The following ADSS2 variants were observed in gnomAD, a reference collection of about 807,000 sequenced individuals.
ADSS2 encodes the protein adenylosuccinate synthase 2, also known as adenylosuccinate synthetase isozyme 2.
In ADSS2, 30 loss-of-function variants were observed where a neutral mutation model predicts 60.0. The ratio of observed to expected loss-of-function variants is 0.50; its 90% CI spans 0.37 to 0.68. The LOEUF is 0.68. Ranked by LOEUF, ADSS2 falls within the 30% of genes least tolerant of loss-of-function variation. The pLI, the probability that ADSS2 is intolerant of heterozygous loss-of-function variation, is 0.00. For missense variants in ADSS2, 373 were observed against 554.8 expected (o/e 0.67, Z 3.29); for synonymous variants, 187 against 193.1 (o/e 0.97, Z 0.26).
At chr1:244,421,009 C>T (rs1664663065) in intron 7 of ADSS2, among the ~76,000 whole-genome samples, 1 of 152,152 alleles carries the variant, frequency 6.6e-6, no homozygotes, top group African/African-American at 2.4e-5. Flanking sequence ...AAACTTGCAT[C>T]AGTGATTCTC....
At chr1:244,433,176 CAGTA>C (rs1558276077) in intron 3 of ADSS2, among the ~76,000 whole-genome samples, 1 of 152,034 alleles carries the variant, frequency 6.6e-6, no homozygotes, top group Non-Finnish European at 1.5e-5. Flanking sequence ...GCAGAGGTTG[CAGTA>C]AGCCAAGATT....
At chr1:244,420,554 T>C (rs1664650873) in intron 7 of ADSS2, among the ~76,000 whole-genome samples, 1 of 152,128 alleles carries the variant, frequency 6.6e-6, no homozygotes, top group South Asian at 2.1e-4. Flanking sequence ...TTAACCTCAC[T>C]GCAAATAAAA....
intron 1 of ADSS2, among the ~76,000 whole-genome samples, chr1:244,446,205 C>T (rs1404479610): frequency 1.3e-5 from 2 of 152,174 alleles, no homozygotes; most frequent in Non-Finnish European, 2.9e-5. Flanking sequence ...ATCTGTGTCT[C>T]CTCCTTTCCA....
chr1:244,412,853 C>G (rs1664445307), intron 11 of ADSS2, among the ~76,000 whole-genome samples: 1 of 152,120 alleles, frequency 6.6e-6, no homozygotes, highest in Non-Finnish European at 1.5e-5. Flanking sequence ...TGCAAAAGGT[C>G]CCATTACTTC....
chr1:244,414,648 C>T (rs983941662), intron 11 of ADSS2, among the ~76,000 whole-genome samples: 1 of 152,216 alleles, frequency 6.6e-6, no homozygotes. Context: ...GGAAAGACAA[C>T]AACCAGAATC....
chr1:244,440,279 C>T (rs1347714084), intron 1 of ADSS2, among the ~76,000 whole-genome samples: 1 of 152,146 alleles, frequency 6.6e-6, no homozygotes, highest in East Asian at 1.9e-4. Context: ...AATGTTACAA[C>T]TTTTACCAAA....
intron 12 of ADSS2, among the ~76,000 whole-genome samples, chr1:244,409,943 A>T (rs1664374632): frequency 6.6e-6 from 1 of 152,214 alleles, no homozygotes; most frequent in Admixed American, 6.5e-5. Context: ...AAAGTTGGTG[A>T]TCAAGTTCCT....
At chr1:244,440,506 G>C (rs912444321) in intron 1 of ADSS2, among the ~76,000 whole-genome samples, 1 of 152,178 alleles carries the variant, frequency 6.6e-6, no homozygotes, top group African/African-American at 2.4e-5. Flanking sequence ...GACGGAAACA[G>C]GGATGATGGG....
intron 9 of ADSS2, 47 bp downstream of exon 9, chr1:244,418,713 G>T (rs769831338): frequency 3.3e-6 from 5 of 1,493,778 alleles, no homozygotes; most frequent in South Asian, 2.6e-5. Context: ...AAAAAAAGAA[G>T]AATGAATTTT....
intron 1 of ADSS2, among the ~76,000 whole-genome samples, chr1:244,450,671 G>A (rs149532689): frequency 2.0e-5 from 3 of 152,278 alleles, no homozygotes; most frequent in Non-Finnish European, 4.4e-5. Flanking sequence ...TTGCTCATCT[G>A]CTTAGAATTT....
chr1:244,437,803 G>A (rs1452915945), intron 1 of ADSS2, 35 bp from the exon 2 acceptor site: 1 of 1,427,210 alleles, frequency 7.0e-7, no homozygotes, highest in Non-Finnish European at 9.9e-7. Context: ...TGAGCCTGAT[G>A]ATAAATACTA....
At chr1:244,421,499 G>C (rs762809754) in intron 7 of ADSS2, among the ~76,000 whole-genome samples, 2 of 152,066 alleles carry the variant, frequency 1.3e-5, no homozygotes, top group Non-Finnish European at 2.9e-5. Flanking sequence ...TAGTCATCAC[G>C]TTCTTTGTTC....
intron 11 of ADSS2, among the ~76,000 whole-genome samples, chr1:244,412,899 G>C (rs1027203809): frequency 8.5e-5 from 13 of 152,172 alleles, no homozygotes; most frequent in African/African-American, 3.1e-4. Flanking sequence ...GCTTGAAGAT[G>C]ATGCAGAGGC....
chr1:244,411,568 C>T, intron 11 of ADSS2, 132 bp from the exon 12 acceptor site: 1 of 910,488 alleles, frequency 1.1e-6, no homozygotes, highest in Non-Finnish European at 1.6e-6. Context: ...TAGAATTCTT[C>T]AGGTAGTAGA....
intron 7 of ADSS2, among the ~76,000 whole-genome samples, chr1:244,421,532 C>T (rs192617318): frequency 7.2e-5 from 11 of 152,328 alleles, no homozygotes; most frequent in Admixed American, 6.5e-4. Context: ...GTTCAACATA[C>T]ATTACCTATA....
intron 11 of ADSS2, among the ~76,000 whole-genome samples, chr1:244,413,219 A>G (rs762595532): frequency 6.6e-6 from 1 of 152,198 alleles, no homozygotes; most frequent in Non-Finnish European, 1.5e-5. Flanking sequence ...TGACACAGAG[A>G]TGATGAAAAC....
intron 3 of ADSS2, among the ~76,000 whole-genome samples, chr1:244,434,790 A>G (rs1336321028): frequency 6.6e-6 from 1 of 152,162 alleles, no homozygotes; most frequent in Admixed American, 6.6e-5. Flanking sequence ...GGTCACAGGT[A>G]AAAACGCAGA....
intron 1 of ADSS2, among the ~76,000 whole-genome samples, chr1:244,441,892 C>T (rs1665257788): frequency 1.3e-5 from 2 of 151,982 alleles, no homozygotes; most frequent in African/African-American, 4.8e-5. Flanking sequence ...GGAGGCGGAG[C>T]TTGCAGTGAG....
At chr1:244,439,561 C>T (rs545253363) in intron 1 of ADSS2, among the ~76,000 whole-genome samples, 1 of 152,254 alleles carries the variant, frequency 6.6e-6, no homozygotes, top group East Asian at 1.9e-4. Context: ...TCCTTCTCCT[C>T]AAGTGGAGGG....
Sources: allele counts gnomAD v4.1 joint callset (sites outside exome capture counted in the v4.1 genomes callset), GRCh38; gene constraint gnomAD v4.1.1; transcripts MANE v1.5; gene names NCBI Gene and HGNC (gene_info 2026-07-23, HGNC 2026-07-21).